JMJD1C: variants seen among roughly 807,000 people sequenced by gnomAD.
JMJD1C encodes jumonji domain-containing protein 1C.
A neutral mutation model predicts 245.3 loss-of-function variants in JMJD1C; 31 were observed. The observed-to-expected ratio is 0.13, with a 90% confidence interval of 0.09 to 0.17. The LOEUF (loss-of-function observed/expected upper bound fraction) is 0.17, where lower values mean the gene tolerates loss of function less well. JMJD1C is among the 10% of genes least tolerant of loss of function. The probability of loss-of-function intolerance (pLI) is 1.00; values close to 1 mark genes in which losing one functional copy is unlikely to be tolerated. For missense variants in JMJD1C, 2,691 were observed against 3,000.2 expected, an observed-to-expected ratio of 0.90 and a Z score of 2.41; for synonymous variants, 1,057 against 1,017.4, an observed-to-expected ratio of 1.04 and a Z score of -0.74.
At chr10:63,465,419 G>C in intron 1 of JMJD1C, 76 bp downstream of exon 1, 1 of 1,403,394 alleles carries the variant, frequency 7.1e-7, no homozygotes, top group Non-Finnish European at 9.6e-7. Flanking sequence ...AGGCGCCAGA[G>C]GGAAGCCTGC....
chr10:63,209,571 A>C (rs575353308), intron 8 of JMJD1C, among the ~76,000 whole-genome samples: 1 of 152,340 alleles, frequency 6.6e-6, no homozygotes, highest in South Asian at 2.1e-4. Context: ...TAACAGCAAA[A>C]GTATATTGCT....
chr10:63,423,838 TATAGTC>T (rs1950271724), intron 1 of JMJD1C, among the ~76,000 whole-genome samples: 1 of 152,214 alleles, frequency 6.6e-6, no homozygotes, highest in Non-Finnish European at 1.5e-5. Context: ...TTAAAAAAAT[TATAGTC>T]ATATTAGTAA....
chr10:63,321,557 T>G (rs1940866009), intron 2 of JMJD1C, among the ~76,000 whole-genome samples: 1 of 152,146 alleles, frequency 6.6e-6, no homozygotes, highest in African/African-American at 2.4e-5. Flanking sequence ...TTGTGTTGAG[T>G]CGACAGTGGA....
rs117231125 is a variant in JMJD1C at position 63,232,662 on chromosome 10, A to G, written c.448-12679T>C. Among the ~76,000 whole-genome samples, 1,023 of 152,286 alleles carry G rather than the reference A, an allele frequency of 6.7e-3. 4 individuals carry two copies. Among genetic ancestry groups the G allele is most frequent in the Middle Eastern group, 0.014 (4 of 294 alleles). ...GGCATTGCTTGCAACTACTTATATC[A>G]TTAATTACTAAGGAGGAAATGATAA... On this transcript the variant is annotated intron_variant, in intron 3 of 25. Coordinates refer to ENST00000399262, the MANE Select transcript of JMJD1C (RefSeq NM_032776.3).
chr10:63,427,336 TC>T, intron 1 of JMJD1C: 1 of 1,076,462 alleles, frequency 9.3e-7, no homozygotes, highest in Non-Finnish European at 1.3e-6. Flanking sequence ...GCTCCAGAGT[TC>T]CTGGGACCAA....
intron 1 of JMJD1C, among the ~76,000 whole-genome samples, chr10:63,404,451 C>T (rs1405686602): frequency 6.6e-6 from 1 of 151,986 alleles, no homozygotes; most frequent in Non-Finnish European, 1.5e-5. Flanking sequence ...GCTATGTTGC[C>T]CAGGCAGGCC....
At chr10:63,206,395 A>C (rs1846624953) in intron 10 of JMJD1C, among the ~76,000 whole-genome samples, 200 bp downstream of exon 10, 1 of 152,202 alleles carries the variant, frequency 6.6e-6, no homozygotes, top group Admixed American at 6.5e-5. Context: ...AAATAGAGGA[A>C]TAAGTGTTCT....
chr10:63,409,314 A>G (rs754764394), intron 1 of JMJD1C, among the ~76,000 whole-genome samples: 1 of 152,154 alleles, frequency 6.6e-6, no homozygotes, highest in Admixed American at 6.5e-5. Context: ...GTCTCAACCA[A>G]TCAAGGTTTA....
intron 2 of JMJD1C, among the ~76,000 whole-genome samples, chr10:63,313,770 T>C (rs1345103142): frequency 6.6e-6 from 1 of 152,246 alleles, no homozygotes; most frequent in Non-Finnish European, 1.5e-5. Flanking sequence ...TTCATGTCCT[T>C]AGCCCACTTT....
At chr10:63,324,715 C>T (rs537006532) in intron 2 of JMJD1C, among the ~76,000 whole-genome samples, 1 of 152,198 alleles carries the variant, frequency 6.6e-6, no homozygotes, top group South Asian at 2.1e-4. Flanking sequence ...AACAAGTAAA[C>T]GTGTATGTCA....
intron 1 of JMJD1C, among the ~76,000 whole-genome samples, chr10:63,464,254 T>C (rs1444665190): frequency 1.3e-5 from 2 of 152,180 alleles, no homozygotes; most frequent in Non-Finnish European, 2.9e-5. Context: ...AACACACCTA[T>C]TTTGCGATAT....
At chr10:63,498,999 T>C (rs1954450133) in intron 1 of JMJD1C, among the ~76,000 whole-genome samples, 2 of 152,356 alleles carry the variant, frequency 1.3e-5, no homozygotes, top group South Asian at 2.1e-4. Context: ...AATTAGCTTA[T>C]TTCACTGACA....
intron 24 of JMJD1C, among the ~76,000 whole-genome samples, chr10:63,174,835 A>AAAAAAACAAAAAAC (rs1195752299): frequency 1.2e-4 from 18 of 150,706 alleles, no homozygotes; most frequent in African/African-American, 4.5e-4. Context: ...ACTCTGTCTC[A>AAAAAAACAAAAAAC]AAAAAACAAA....
chr10:63,407,418 T>C (rs1186522796), intron 1 of JMJD1C, among the ~76,000 whole-genome samples: 3 of 152,116 alleles, frequency 2.0e-5, no homozygotes, highest in East Asian at 1.9e-4. Context: ...GAAAGCCAGA[T>C]AAAGCACTGA....
intron 1 of JMJD1C, among the ~76,000 whole-genome samples, chr10:63,397,956 A>G (rs1948608606): frequency 6.6e-6 from 1 of 152,246 alleles, no homozygotes; most frequent in Admixed American, 6.5e-5. Context: ...TCAAAATGCT[A>G]TTTTGAAAAT....
At chr10:63,193,289 A>C in intron 15 of JMJD1C, 56 bp downstream of exon 15, 1 of 1,520,782 alleles carries the variant, frequency 6.6e-7, no homozygotes, top group Admixed American at 2.0e-5. Flanking sequence ...AATAAATATC[A>C]AAGTTGACTA....
In JMJD1C at chr10:63,206,792, G is replaced by T; in HGVS notation, c.4877C>A (p.Ser1626Tyr). 6.2e-7 allele frequency: 1 copy of T among 1,606,174 alleles called. No individual in the cohort carries two copies. ...RKAKRTYESG[S>Y]ESGDSDESES... ...ACTTTCATCTGAGTCTCCACTTTCA[G>T]AGCCAGATTCATAAGTTCTTTTGGC... Residue 1626 changes from serine to tyrosine, a missense_variant, in exon 10 of 26, where the codon TCT (serine) becomes TAT (tyrosine). Coordinates refer to ENST00000399262, the MANE Select transcript of JMJD1C (RefSeq NM_032776.3).
intron 1 of JMJD1C, among the ~76,000 whole-genome samples, chr10:63,432,332 T>C (rs1020841119): frequency 6.6e-6 from 1 of 152,240 alleles, no homozygotes; most frequent in Non-Finnish European, 1.5e-5. Flanking sequence ...CCTTTGGGAC[T>C]ATCCCTAGTG....
intron 1 of JMJD1C, among the ~76,000 whole-genome samples, chr10:63,410,692 G>GT (rs1190195511): frequency 2.0e-5 from 3 of 152,020 alleles, no homozygotes; most frequent in Non-Finnish European, 4.4e-5. Context: ...GTAATTTTAT[G>GT]TATGTTTTTA....
Sources: allele counts gnomAD v4.1 joint callset (sites outside exome capture counted in the v4.1 genomes callset), GRCh38; gene constraint gnomAD v4.1.1; transcripts MANE v1.5; gene names NCBI Gene and HGNC (gene_info 2026-07-23, HGNC 2026-07-21).